The following PCDH15 variants were observed in gnomAD, a reference collection of about 807,000 sequenced individuals.
PCDH15 encodes the protein protocadherin related 15.
Under a neutral mutation model 178.5 loss-of-function variants are expected in PCDH15, and 129 were observed. The observed-to-expected ratio is 0.72, with a 90% CI of 0.63 to 0.84. The LOEUF (loss-of-function observed/expected upper bound fraction) is 0.84, where lower values mean the gene tolerates loss of function less well. Ranked by LOEUF, PCDH15 falls within the 40% of genes least tolerant of loss-of-function variation. PCDH15 has a pLI of 0.00. For synonymous variants in PCDH15, 800 were observed against 732.0 expected (o/e 1.09, Z -1.50); for missense variants, 2,230 against 2,099.9 (o/e 1.06, Z -1.21).
chr10:54,134,426 A>G (rs1564501673), intron 14 of PCDH15, among the ~76,000 whole-genome samples: 1 of 152,122 alleles, frequency 6.6e-6, no homozygotes, highest in South Asian at 2.1e-4. Context: ...GTCTGAGTTT[A>G]TTAACTACAA....
intron 5 of PCDH15, among the ~76,000 whole-genome samples, chr10:54,347,845 TA>T (rs1943552104): frequency 6.9e-6 from 1 of 145,708 alleles, no homozygotes; most frequent in South Asian, 2.1e-4. Context: ...AACAGATTTT[TA>T]TTATTTATTT....
At position 54,763,782 on chromosome 10, in the gene PCDH15, C is replaced by G. The variant is rs545253804; in HGVS notation, c.-29+37143G>C. 6.1e-3 allele frequency among the ~76,000 whole-genome samples: 899 copies of G among 146,852 alleles called. 10 individuals are homozygous for G. The highest frequency in any genetic ancestry group is 9.8e-3 in the Non-Finnish European group (654 of 66,964). The stretch of plus-strand genomic sequence containing the variant: ...TATATATATATAGTATATAAATATA[C>G]TATATAAATATGTACAACTCTTATG... On this transcript the variant is annotated intron_variant, in intron 1 of 37. Transcript: ENST00000644397.
At chr10:54,096,197 C>T (rs1476547546) in intron 15 of PCDH15, among the ~76,000 whole-genome samples, 5 of 151,830 alleles carry the variant, frequency 3.3e-5, no homozygotes, top group African/African-American at 7.2e-5. Context: ...AAACTTATCT[C>T]GAGTTTCCCT....
chr10:55,037,500 G>A (rs916711092), intron 2 of PCDH15, among the ~76,000 whole-genome samples: 1 of 152,112 alleles, frequency 6.6e-6, no homozygotes. Context: ...CCAAAGTGTT[G>A]AGATTACAGG....
chr10:54,146,980 A>ATATATATAATG (rs1564530876), intron 14 of PCDH15, among the ~76,000 whole-genome samples: 3 of 118,852 alleles, frequency 2.5e-5, no homozygotes, highest in African/African-American at 1.1e-4. Flanking sequence ...TATATAGTGT[A>ATATATATAATG]TATATATATA....
At chr10:54,070,933 T>TA (rs1195949551) in intron 17 of PCDH15, among the ~76,000 whole-genome samples, 5 of 151,976 alleles carry the variant, frequency 3.3e-5, no homozygotes. Context: ...TTTAATAGTA[T>TA]AAAAAAAGTG....
intron 1 of PCDH15, among the ~76,000 whole-genome samples, chr10:55,318,807 G>T (rs1265735455): frequency 6.6e-6 from 1 of 152,124 alleles, no homozygotes; most frequent in African/African-American, 2.4e-5. Context: ...GACACATGTT[G>T]GTGAAACTAG....
intron 25 of PCDH15, among the ~76,000 whole-genome samples, chr10:53,915,702 G>C (rs908124944): frequency 3.3e-5 from 5 of 152,094 alleles, no homozygotes. Flanking sequence ...TAGGATTATA[G>C]GTGCCCGCCA....
At chr10:55,463,151 C>A (rs967712842) in intron 2 of PCDH15, among the ~76,000 whole-genome samples, 6 of 150,392 alleles carry the variant, frequency 4.0e-5, no homozygotes, top group Admixed American at 2.7e-4. Context: ...TGAAACCTGG[C>A]AATGATCTGA....
At chr10:55,448,530 AG>A (rs202036567) in intron 2 of PCDH15, among the ~76,000 whole-genome samples, 2,609 of 152,116 alleles carry the variant, frequency 0.017, 81 homozygotes, top group African/African-American at 0.058. Context: ...TTTTTTCAGT[AG>A]GAAACTTGAG....
intron 2 of PCDH15, among the ~76,000 whole-genome samples, chr10:55,534,084 AG>A (rs1156615280): frequency 1.3e-5 from 2 of 152,102 alleles, no homozygotes; most frequent in Admixed American, 6.6e-5. Flanking sequence ...AATTAACTCA[AG>A]ATGGATTAAA....
intron 8 of PCDH15, among the ~76,000 whole-genome samples, chr10:54,250,267 C>CTTTTTT (rs765895227): frequency 2.5e-4 from 21 of 84,056 alleles, no homozygotes; most frequent in Non-Finnish European, 3.5e-4. Context: ...TATGCTATTA[C>CTTTTTT]TTTTTTTTTT....
intron 2 of PCDH15, among the ~76,000 whole-genome samples, chr10:54,594,079 C>A (rs181640209): frequency 5.5e-4 from 83 of 152,200 alleles, no homozygotes; most frequent in African/African-American, 1.6e-3. Context: ...TCCTGGCTCC[C>A]AGCAACTCCT....
chr10:54,150,140 G>A (rs1316052769), intron 14 of PCDH15, among the ~76,000 whole-genome samples: 1 of 152,096 alleles, frequency 6.6e-6, no homozygotes, highest in Non-Finnish European at 1.5e-5. Context: ...TATGAGGTTA[G>A]AAAGAAGAAA....
intron 16 of PCDH15, among the ~76,000 whole-genome samples, chr10:54,084,557 C>G (rs1416482515): frequency 6.6e-6 from 1 of 152,150 alleles, no homozygotes; most frequent in East Asian, 1.9e-4. Context: ...TCACGTAAGC[C>G]TAGACTTTTG....
At chr10:55,531,194 G>T (rs183783505) in intron 2 of PCDH15, among the ~76,000 whole-genome samples, 2 of 152,024 alleles carry the variant, frequency 1.3e-5, no homozygotes, top group African/African-American at 4.8e-5. Context: ...GTAGTGACAA[G>T]TTCACTTTCA....
At chr10:55,554,068 T>C (rs1367423461) in intron 2 of PCDH15, among the ~76,000 whole-genome samples, 4 of 151,984 alleles carry the variant, frequency 2.6e-5, no homozygotes, top group East Asian at 1.9e-4. Flanking sequence ...ACAAAAGATA[T>C]GTAAAACTTG....
At position 55,132,885 on chromosome 10, in the gene PCDH15, G is replaced by C. The variant is rs114841749; in HGVS notation, c.-80+33691C>G. 9.3e-3 allele frequency among the ~76,000 whole-genome samples: 1,421 copies of C among 152,238 alleles called. 21 individuals are homozygous for C. Among genetic ancestry groups the C allele is most frequent in the African/African-American group, 0.033 (1,364 of 41,556 alleles). On this transcript the variant is annotated intron_variant, in intron 2 of 5. Coordinates refer to the PCDH15 transcript ENST00000458638. ...AACACTGTCTGGCGAGAAATTTAAGGACGCTTTAAACTTATAAATAAGTTC... is the reference window on the plus strand; with the variant it reads ...AACACTGTCTGGCGAGAAATTTAAGCACGCTTTAAACTTATAAATAAGTTC...
chr10:54,462,680 A>ATTTTTTTTTTTTTT (rs767750465), intron 3 of PCDH15, among the ~76,000 whole-genome samples: 1 of 56,234 alleles, frequency 1.8e-5, no homozygotes, highest in Non-Finnish European at 3.1e-5. Flanking sequence ...CACCTGCTTA[A>ATTTTTTTTTTTTTT]TTTTTTTTTT....
Sources: allele counts gnomAD v4.1 joint callset (sites outside exome capture counted in the v4.1 genomes callset), GRCh38; gene constraint gnomAD v4.1.1; transcripts MANE v1.5; gene names NCBI Gene and HGNC (gene_info 2026-07-23, HGNC 2026-07-21).